The following LMBRD1 variants were observed in gnomAD, a reference collection of about 807,000 sequenced individuals.
LMBRD1 encodes the protein lysosomal cobalamin transport escort protein LMBD1.
Under a neutral mutation model 74.8 loss-of-function variants are expected in LMBRD1, and 64 were observed. The ratio of observed to expected loss-of-function variants is 0.86; its 90% confidence interval spans 0.70 to 1.05. The LOEUF (loss-of-function observed/expected upper bound fraction) is 1.05, where lower values mean the gene tolerates loss of function less well. Ranked by LOEUF, LMBRD1 falls within the 50% of genes least tolerant of loss-of-function variation. The probability of loss-of-function intolerance (pLI) is 0.00; values close to 1 mark genes in which losing one functional copy is unlikely to be tolerated. For synonymous variants in LMBRD1, 204 were observed against 216.3 expected (o/e 0.94, Z 0.50); for missense variants, 652 against 645.9 (o/e 1.01, Z -0.10).
intron 2 of LMBRD1, among the ~76,000 whole-genome samples, chr6:69,786,596 G>C (rs553917581): frequency 6.6e-6 from 1 of 151,802 alleles, no homozygotes. Flanking sequence ...ACTCTAAAAG[G>C]TTCTCTTCTG....
chr6:69,792,849 A>G (rs1265378554), intron 1 of LMBRD1, among the ~76,000 whole-genome samples: 1 of 152,206 alleles, frequency 6.6e-6, no homozygotes, highest in Non-Finnish European at 1.5e-5. Flanking sequence ...GATTTTGCCA[A>G]TATCAGGCAG....
Position 69,683,003 on chromosome 6 carries a change from G to C in LMBRD1, c.1418-6462C>G, listed in dbSNP as rs571613442. Among the ~76,000 whole-genome samples the C allele has an allele frequency of 2.0e-5, 3 of 152,066 alleles. No homozygotes were observed. The East Asian group carries it at 5.8e-4, about 29-fold the overall frequency. On this transcript the variant is annotated intron_variant, in intron 14 of 15. Coordinates refer to ENST00000649934, the MANE Select transcript of LMBRD1 (RefSeq NM_018368.4). ...CTGAGAAGTTTCACAAAATTATTTAGGTTGGCTTTGGTGTAGATACTGGAG... is the reference window on the plus strand; with the variant it reads ...CTGAGAAGTTTCACAAAATTATTTACGTTGGCTTTGGTGTAGATACTGGAG...
intron 7 of LMBRD1, among the ~76,000 whole-genome samples, chr6:69,733,116 A>G (rs571124874): frequency 5.3e-5 from 8 of 152,172 alleles, no homozygotes; most frequent in South Asian, 2.1e-4. Context: ...TGACTGACAC[A>G]TAAGATAAAA....
intron 13 of LMBRD1, 89 bp from the exon 14 acceptor site, chr6:69,697,730 T>A: frequency 3.5e-5 from 26 of 740,202 alleles, no homozygotes; most frequent in Non-Finnish European, 5.4e-5. Context: ...CTGTATACTC[T>A]GTATACTAAC....
intron 7 of LMBRD1, among the ~76,000 whole-genome samples, chr6:69,728,992 ATT>A (rs566180839): frequency 6.7e-6 from 1 of 148,394 alleles, no homozygotes; most frequent in African/African-American, 2.5e-5. Context: ...TTGTTTTGCT[ATT>A]TTTTTTTTAT....
intron 9 of LMBRD1, among the ~76,000 whole-genome samples, chr6:69,704,794 G>A (rs972361344): frequency 6.6e-6 from 1 of 152,136 alleles, no homozygotes; most frequent in Non-Finnish European, 1.5e-5. Flanking sequence ...TAGAGGGACT[G>A]TTGTAATTCA....
intron 7 of LMBRD1, among the ~76,000 whole-genome samples, chr6:69,737,385 A>T (rs2149868640): frequency 6.6e-6 from 1 of 152,136 alleles, no homozygotes; most frequent in African/African-American, 2.4e-5. Flanking sequence ...CACTTCCAGG[A>T]AGACTGAGGG....
In LMBRD1 at chr6:69,779,185, C is replaced by CAAAAAAAAAAAAAAA. The variant is rs11397050; in HGVS notation, c.307+1294_307+1308dup. Among the ~76,000 whole-genome samples the CAAAAAAAAAAAAAAA allele has an allele frequency of 6.2e-3, 622 of 99,894 alleles. 54 individuals carry two copies. Among genetic ancestry groups the CAAAAAAAAAAAAAAA allele is most frequent in the African/African-American group, 0.026 (573 of 22,138 alleles). The allele number at this position is 99,894 out of a possible 152,430, so 65.5% of individuals were successfully genotyped here. A position where few individuals can be genotyped will look rare whatever the true frequency, so the allele number is the denominator to read the frequency against. ...TGGGCAACAGGGCGAGACTCAGTCT[C>CAAAAAAAAAAAAAAA]AAAAAAAAAAAAAAAACAATTCAAT... is the stretch of plus-strand genomic sequence containing the variant. On this transcript the variant is annotated intron_variant, in intron 3 of 15. Coordinates refer to ENST00000649934, the MANE Select transcript of LMBRD1 (RefSeq NM_018368.4).
At chr6:69,763,925 T>C (rs1327046324) in intron 3 of LMBRD1, among the ~76,000 whole-genome samples, 2 of 152,208 alleles carry the variant, frequency 1.3e-5, no homozygotes. Context: ...AAATAACTTA[T>C]CTGGTTTTAG....
intron 3 of LMBRD1, among the ~76,000 whole-genome samples, chr6:69,779,200 A>T (rs1219011383): frequency 6.6e-6 from 1 of 151,730 alleles, no homozygotes; most frequent in Non-Finnish European, 1.5e-5. Context: ...AAAAAAAAAA[A>T]ACAATTCAAT....
chr6:69,725,428 G>A (rs1229060723), intron 7 of LMBRD1, among the ~76,000 whole-genome samples: 5 of 151,220 alleles, frequency 3.3e-5, no homozygotes, highest in South Asian at 4.2e-4. Context: ...GAATACCAAA[G>A]CTATCCTGAG....
At chr6:69,783,742 T>C (rs1476862175) in intron 2 of LMBRD1, among the ~76,000 whole-genome samples, 1 of 152,190 alleles carries the variant, frequency 6.6e-6, no homozygotes, top group Non-Finnish European at 1.5e-5. Context: ...ATCTTTTTTT[T>C]ACTTCTTATA....
At chr6:69,693,841 C>T (rs1765939832) in intron 14 of LMBRD1, among the ~76,000 whole-genome samples, 1 of 151,868 alleles carries the variant, frequency 6.6e-6, no homozygotes, top group Non-Finnish European at 1.5e-5. Context: ...TACCCTGCCA[C>T]CCCAAATTTA....
At chr6:69,788,281 C>G (rs577107854) in intron 2 of LMBRD1, among the ~76,000 whole-genome samples, 1 of 152,044 alleles carries the variant, frequency 6.6e-6, no homozygotes, top group South Asian at 2.1e-4. Context: ...AATAATTATA[C>G]CAGGGATAAT....
At chr6:69,696,761 A>G (rs1305386935) in intron 14 of LMBRD1, among the ~76,000 whole-genome samples, 1 of 152,084 alleles carries the variant, frequency 6.6e-6, no homozygotes, top group Non-Finnish European at 1.5e-5. Flanking sequence ...ACTTGTTCCT[A>G]ATACTCTATT....
intron 14 of LMBRD1, among the ~76,000 whole-genome samples, chr6:69,687,949 A>G (rs2149838019): frequency 6.6e-6 from 1 of 152,284 alleles, no homozygotes; most frequent in South Asian, 2.1e-4. Context: ...ATATACTTTC[A>G]GAAATCTAAA....
chr6:69,773,234 T>C (rs972563552), intron 3 of LMBRD1, among the ~76,000 whole-genome samples: 4 of 152,098 alleles, frequency 2.6e-5, no homozygotes, highest in African/African-American at 7.2e-5. Context: ...GTGGGTTCAT[T>C]ATAAAAGGAT....
Position 69,796,883 on chromosome 6 carries a change from T to C in LMBRD1, c.-2A>G. On this transcript the variant is annotated 5_prime_UTR_variant, in exon 1 of 16. Coordinates refer to ENST00000649934, the MANE Select transcript of LMBRD1 (RefSeq NM_018368.4). ...CGAGGCCGCGCCAGAAGTCGCCATC[T>C]TCGCTTCCGGTCCAGACCAACCTGA... is the stretch of plus-strand genomic sequence containing the variant. 1.2e-6 allele frequency: 2 copies of C among 1,614,008 alleles called. No individual in the cohort carries two copies. Among genetic ancestry groups the C allele is most frequent in the Non-Finnish European group, 8.5e-7 (1 of 1,179,994 alleles).
chr6:69,701,772 C>G, intron 10 of LMBRD1, 117 bp downstream of exon 10: 1 of 768,916 alleles, frequency 1.3e-6, no homozygotes, highest in Non-Finnish European at 2.2e-6. Flanking sequence ...CTATAGAACA[C>G]TTCAAGTAAA....
Sources: allele counts gnomAD v4.1 joint callset (sites outside exome capture counted in the v4.1 genomes callset), GRCh38; gene constraint gnomAD v4.1.1; transcripts MANE v1.5; gene names NCBI Gene and HGNC (gene_info 2026-07-23, HGNC 2026-07-21).